LSMEM1: variants seen among roughly 807,000 people sequenced by gnomAD.
LSMEM1 encodes leucine rich single-pass membrane protein 1, also known as leucine-rich single-pass membrane protein 1.
Under a neutral mutation model 11.3 loss-of-function variants are expected in LSMEM1, and 10 were observed. That is an observed-to-expected ratio of 0.89 (90% CI 0.55 to 1.50). LSMEM1 has a LOEUF of 1.50. Ranked by LOEUF, LSMEM1 falls within the 40% of genes most tolerant of loss-of-function variation. LSMEM1 has a pLI of 0.00. For synonymous variants in LSMEM1, 65 were observed against 59.3 expected, an observed-to-expected ratio of 1.10 and a Z score of -0.44; for missense variants, 151 against 152.9, an observed-to-expected ratio of 0.99 and a Z score of 0.06.
chr7:112,489,034 T>C (rs924265999), intron 3 of LSMEM1, among the ~76,000 whole-genome samples: 1 of 152,270 alleles, frequency 6.6e-6, no homozygotes, highest in Non-Finnish European at 1.5e-5. Context: ...GACTATGTAC[T>C]TTATCAACAT....
At chr7:112,486,669 G>A (rs1016155527) in intron 2 of LSMEM1, among the ~76,000 whole-genome samples, 1 of 152,056 alleles carries the variant, frequency 6.6e-6, no homozygotes. Context: ...CCAGCTACTC[G>A]GGAGGCTGAG....
chr7:112,488,741 T>C (rs1404034826), intron 3 of LSMEM1, among the ~76,000 whole-genome samples: 1 of 152,082 alleles, frequency 6.6e-6, no homozygotes, highest in African/African-American at 2.4e-5. Flanking sequence ...GGACTACAGG[T>C]GTGAGCCGCC....
intron 3 of LSMEM1, among the ~76,000 whole-genome samples, chr7:112,487,533 A>T (rs946061181): frequency 6.6e-6 from 1 of 152,210 alleles, no homozygotes; most frequent in African/African-American, 2.4e-5. Context: ...AGTGTTGGAG[A>T]TGTATAAAGG....
chr7:112,490,168 C>G lies in LSMEM1; in HGVS notation c.*219C>G. On this transcript the variant is annotated 3_prime_UTR_variant, in exon 4 of 4. Transcript: ENST00000312849. ...AAAAGGGGTGAACTTGTCTCAGCCC[C>G]CTTTTATGGTAGGGCACTTCAACTT... 2 of 451,352 alleles carry G rather than the reference C, an allele frequency of 4.4e-6. No homozygotes were observed. Among genetic ancestry groups the G allele is most frequent in the Non-Finnish European group, 7.8e-6 (2 of 256,762 alleles). The allele number at this position is 451,352 out of a possible 1,614,324, so 28.0% of individuals were successfully genotyped here. A position where few individuals can be genotyped will look rare whatever the true frequency, so the allele number is the denominator to read the frequency against.
At chr7:112,489,114 G>A (rs1323016331) in intron 3 of LSMEM1, among the ~76,000 whole-genome samples, 1 of 152,198 alleles carries the variant, frequency 6.6e-6, no homozygotes, top group African/African-American at 2.4e-5. Context: ...TGAGAACAAA[G>A]TCATATTAAA....
intron 2 of LSMEM1, chr7:112,486,331 A>T: frequency 4.5e-6 from 2 of 447,008 alleles, no homozygotes; most frequent in Admixed American, 2.4e-5. Flanking sequence ...ACACACAAAA[A>T]TTCATGTTCT....
chr7:112,487,195 G>C, intron 3 of LSMEM1, 144 bp downstream of exon 3: 1 of 812,090 alleles, frequency 1.2e-6, no homozygotes. Context: ...AATGCCTTGA[G>C]TGAACACCAC....
Position 112,487,032 on chromosome 7 carries a change from T to C in LSMEM1, c.237T>C (p.Phe79=), listed in dbSNP as rs774619475. ...TGATTGTCAGCCTGGCACTGGTTTTTTTCGTGATATTTCTAATAGGTAAGT... is the reference window on the plus strand; with the variant it reads ...TGATTGTCAGCCTGGCACTGGTTTTCTTCGTGATATTTCTAATAGGTAAGT... ...IVLIVSLALV[F]FVIFLIVQTG... Residue 79 remains phenylalanine (F), a synonymous_variant, in exon 3 of 4, where the codon TTT becomes TTC. Coordinates refer to ENST00000312849, the MANE Select transcript of LSMEM1 (RefSeq NM_182597.3). The C allele has an allele frequency of 3.7e-6, 6 of 1,614,134 alleles. No homozygotes were observed. The highest frequency in any genetic ancestry group is 5.1e-6 in the Non-Finnish European group (6 of 1,179,986).
chr7:112,483,261 G>T (rs375451202), intron 1 of LSMEM1, among the ~76,000 whole-genome samples: 1 of 151,954 alleles, frequency 6.6e-6, no homozygotes, highest in Admixed American at 6.6e-5. Context: ...ATACACACAG[G>T]CACCATATTT....
chr7:112,483,136 C>CTTTT (rs113149675), intron 1 of LSMEM1, among the ~76,000 whole-genome samples: 2 of 136,662 alleles, frequency 1.5e-5, no homozygotes, highest in African/African-American at 5.3e-5. Flanking sequence ...TAGGTGTATA[C>CTTTT]TTTTTTTTTT....
In LSMEM1 at chr7:112,486,834, A is replaced by G. The variant is rs567909220; in HGVS notation, c.128-89A>G. 43 of 1,548,340 alleles carry G rather than the reference A, an allele frequency of 2.8e-5. No homozygotes were observed. In the South Asian group the frequency reaches 4.7e-4, roughly 17 times the overall value. On this transcript the variant is annotated intron_variant, in intron 2 of 3. Transcript: ENST00000312849. ...GAGAAAGTGGGTGTGTCCATTACTC[A>G]CGGTCTAACACTGGGGTACTGTTCA...
rs1796218158 is a variant in LSMEM1 at position 112,490,613 on chromosome 7, C to T, written c.*664C>T. 1 of 152,180 alleles carries T rather than the reference C, an allele frequency of 6.6e-6. No homozygotes were observed. The highest frequency in any genetic ancestry group is 1.5e-5 in the Non-Finnish European group (1 of 68,038). The allele number at this position is 152,180 out of a possible 1,614,324, so 9.4% of individuals were successfully genotyped here. ...CCTACTCTGTGCAAATCACTCTACT[C>T]AAGAGGAGCTCACATAAGAGTGCAG... is the stretch of plus-strand genomic sequence containing the variant. On this transcript the variant is annotated 3_prime_UTR_variant, in exon 4 of 4. Coordinates refer to ENST00000312849, the MANE Select transcript of LSMEM1 (RefSeq NM_182597.3).
chr7:112,483,176 A>G lies in LSMEM1; in HGVS notation c.-5-1636A>G, dbSNP rs573070630. ...TATGAATTTGGTTTCTCCCAACTCT[A>G]TATTGCTCTTCATTCTGTAGATGAG... On this transcript the variant is annotated intron_variant, in intron 1 of 3. Transcript: ENST00000312849. Among the ~76,000 whole-genome samples, 123 of 146,628 alleles carry G rather than the reference A, an allele frequency of 8.4e-4. 1 individual carries two copies. The highest frequency in any genetic ancestry group is 1.8e-3 in the Admixed American group (27 of 14,632).
intron 1 of LSMEM1, among the ~76,000 whole-genome samples, chr7:112,483,101 A>G (rs1032570848): frequency 6.7e-6 from 1 of 149,942 alleles, no homozygotes; most frequent in Non-Finnish European, 1.5e-5. Flanking sequence ...TAAGTGTCTG[A>G]TACTTTTTTT....
At chr7:112,485,027 GT>G in intron 2 of LSMEM1, 84 bp downstream of exon 2, 1 of 1,413,134 alleles carries the variant, frequency 7.1e-7, no homozygotes, top group African/African-American at 1.5e-5. Flanking sequence ...ATGTGTGGGT[GT>G]GGTGGAGGGG....
chr7:112,489,740 T>C, intron 3 of LSMEM1, 70 bp from the exon 4 acceptor site: 1 of 1,529,244 alleles, frequency 6.5e-7, no homozygotes, highest in South Asian at 1.3e-5. Context: ...AGCACCAACA[T>C]GGGGATCTGA....
intron 1 of LSMEM1, among the ~76,000 whole-genome samples, chr7:112,481,734 A>C (rs1796036620): frequency 6.6e-6 from 1 of 152,260 alleles, no homozygotes; most frequent in South Asian, 2.1e-4. Flanking sequence ...TAGTCAAAGA[A>C]TTCTTAAATG....
At chr7:112,488,588 C>CATTATT (rs958028388) in intron 3 of LSMEM1, among the ~76,000 whole-genome samples, 6 of 149,908 alleles carry the variant, frequency 4.0e-5, no homozygotes, top group African/African-American at 1.2e-4. Flanking sequence ...GTGTAGAATC[C>CATTATT]ATTATTATTA....
At chr7:112,481,676 A>G (rs1474551448) in intron 1 of LSMEM1, among the ~76,000 whole-genome samples, 2 of 152,164 alleles carry the variant, frequency 1.3e-5, no homozygotes, top group East Asian at 3.8e-4. Context: ...GCACCAGGCA[A>G]TTTTTCATAG....
Sources: allele counts gnomAD v4.1 joint callset (sites outside exome capture counted in the v4.1 genomes callset), GRCh38; gene constraint gnomAD v4.1.1; transcripts MANE v1.5; gene names NCBI Gene and HGNC (gene_info 2026-07-23, HGNC 2026-07-21).